The following PARP8 variants were observed in gnomAD, a reference collection of about 807,000 sequenced individuals.
PARP8 encodes the protein protein mono-ADP-ribosyltransferase PARP8.
A neutral mutation model predicts 124.1 loss-of-function variants in PARP8; 51 were observed. The ratio of observed to expected loss-of-function variants is 0.41; its 90% CI spans 0.33 to 0.52. PARP8 has a LOEUF of 0.52. Among genes scored for constraint, PARP8 ranks in the 20% least tolerant of loss-of-function variants. PARP8 has a pLI of 0.21. For missense variants in PARP8, 860 were observed against 1,018.9 expected, an observed-to-expected ratio of 0.84 and a Z score of 2.12; for synonymous variants, 391 against 361.5, an observed-to-expected ratio of 1.08 and a Z score of -0.93.
chr5:50,691,841 C>T (rs1399837040), intron 2 of PARP8, among the ~76,000 whole-genome samples: 10 of 152,134 alleles, frequency 6.6e-5, no homozygotes, highest in South Asian at 2.1e-4. Flanking sequence ...ACCCATATTA[C>T]GCATGTGAAA....
In PARP8 at chr5:50,812,371, G is replaced by T. The variant is rs545630527; in HGVS notation, c.1576-3061G>T. On this transcript the variant is annotated intron_variant, in intron 14 of 25. Transcript: ENST00000281631. ...ATGATGAGCATTTTTTCATGTGTCT[G>T]TTGGCTGCATAAATGTCTTCTTTTG... 9.5e-4 allele frequency among the ~76,000 whole-genome samples: 145 copies of T among 152,198 alleles called. 1 individual carries two copies. The highest frequency in any genetic ancestry group is 3.4e-3 in the African/African-American group (140 of 41,540).
intron 16 of PARP8, 95 bp from the exon 17 acceptor site, chr5:50,822,240 C>T: frequency 2.2e-6 from 2 of 898,380 alleles, no homozygotes; most frequent in Non-Finnish European, 3.6e-6. Context: ...GTGGAAAATT[C>T]ACATATGGAA....
At chr5:50,717,452 T>G (rs1352659024) in intron 2 of PARP8, among the ~76,000 whole-genome samples, 2 of 151,994 alleles carry the variant, frequency 1.3e-5, no homozygotes, top group African/African-American at 4.8e-5. Flanking sequence ...GAGTGGGGAA[T>G]CAGCAGGTCA....
intron 9 of PARP8, among the ~76,000 whole-genome samples, chr5:50,787,872 G>A (rs1561379781): frequency 6.7e-6 from 1 of 149,526 alleles, no homozygotes; most frequent in Non-Finnish European, 1.5e-5. Flanking sequence ...TATACATTTA[G>A]TTACCGATTT....
At chr5:50,813,994 T>C (rs1206247085) in intron 14 of PARP8, among the ~76,000 whole-genome samples, 1 of 152,140 alleles carries the variant, frequency 6.6e-6, no homozygotes, top group African/African-American at 2.4e-5. Flanking sequence ...AAAAGAGTAT[T>C]GTTAAAAACA....
At chr5:50,682,739 G>C (rs1301296035) in intron 2 of PARP8, among the ~76,000 whole-genome samples, 3 of 152,088 alleles carry the variant, frequency 2.0e-5, no homozygotes, top group Admixed American at 2.0e-4. Context: ...ATCCTTATGA[G>C]TACTGAATAG....
At chr5:50,741,822 T>C (rs1264302173) in intron 2 of PARP8, 1 of 438,578 alleles carries the variant, frequency 2.3e-6, no homozygotes, top group Non-Finnish European at 4.5e-6. Context: ...TTCTTTTTTT[T>C]TTTTTTAGGT....
intron 15 of PARP8, among the ~76,000 whole-genome samples, chr5:50,820,739 T>G (rs993500407): frequency 9.2e-5 from 14 of 152,240 alleles, no homozygotes; most frequent in African/African-American, 3.4e-4. Flanking sequence ...CTGTTGAGAT[T>G]CACCACCTTT....
intron 2 of PARP8, among the ~76,000 whole-genome samples, chr5:50,680,972 A>C (rs1165507831): frequency 1.3e-5 from 2 of 152,156 alleles, no homozygotes; most frequent in Non-Finnish European, 2.9e-5. Context: ...TGTGTTAGAA[A>C]TTTTGCAAGT....
chr5:50,730,889 G>A (rs1460649774), intron 2 of PARP8, among the ~76,000 whole-genome samples: 1 of 152,124 alleles, frequency 6.6e-6, no homozygotes, highest in Non-Finnish European at 1.5e-5. Flanking sequence ...AGAAGACAAG[G>A]AAGTAATGTG....
chr5:50,775,253 C>T (rs780810517), intron 7 of PARP8, among the ~76,000 whole-genome samples: 16 of 152,332 alleles, frequency 1.1e-4, no homozygotes, highest in Non-Finnish European at 2.1e-4. Flanking sequence ...CCACTGCACT[C>T]CAGCCTGGGC....
In PARP8 at chr5:50,795,083, G is replaced by A. The variant is rs201467874; in HGVS notation, c.1094G>A (p.Arg365His). ...TAIKSHKLLNRPCPAAVKSEE... is the reference protein window; with the variant it reads ...TAIKSHKLLNHPCPAAVKSEE... ...ATTAAATCGCACAAACTTTTGAACC[G>A]TCCTTGCCCTGCAGCTGTTAAGTCA... The change falls in exon 12 of 26, where the codon CGT (arginine) becomes CAT (histidine). Residue 365 changes from arginine to histidine, a missense_variant. This residue lies in a region of PARP8 where 517 missense variants were observed against 544.2 expected (regional missense o/e 0.95). Coordinates refer to ENST00000281631, the MANE Select transcript of PARP8 (RefSeq NM_024615.4). 155 of 1,614,150 alleles carry A rather than the reference G, an allele frequency of 9.6e-5. 1 individual carries two copies. The highest frequency in any genetic ancestry group is 2.1e-4 in the African/African-American group (16 of 75,032).
chr5:50,804,689 G>C (rs571285438), intron 14 of PARP8, among the ~76,000 whole-genome samples: 1 of 152,042 alleles, frequency 6.6e-6, no homozygotes, highest in East Asian at 1.9e-4. Context: ...ATTTGTACGC[G>C]TAATGTTAAC....
chr5:50,780,483 T>C (rs568180571), intron 9 of PARP8, among the ~76,000 whole-genome samples: 1 of 152,320 alleles, frequency 6.6e-6, no homozygotes, highest in African/African-American at 2.4e-5. Context: ...CTGATACTTA[T>C]TTTTTGATAT....
chr5:50,827,156 C>A (rs138938077), intron 19 of PARP8, among the ~76,000 whole-genome samples: 375 of 152,208 alleles, frequency 2.5e-3, no homozygotes, highest in African/African-American at 8.5e-3. Context: ...TTCCACTTTT[C>A]TACAGCTGAG....
At chr5:50,819,400 A>G (rs1387292811) in intron 15 of PARP8, among the ~76,000 whole-genome samples, 2 of 146,266 alleles carry the variant, frequency 1.4e-5, no homozygotes, top group Non-Finnish European at 3.0e-5. Context: ...CCTCCCTACA[A>G]GGTCTCAGAA....
chr5:50,823,575 A>G (rs528122023), intron 17 of PARP8, among the ~76,000 whole-genome samples: 2 of 152,298 alleles, frequency 1.3e-5, no homozygotes, highest in East Asian at 1.9e-4. Context: ...ATGTATTTCC[A>G]CCTAGGAGAA....
intron 2 of PARP8, among the ~76,000 whole-genome samples, chr5:50,705,149 A>C (rs1279456773): frequency 6.6e-6 from 1 of 152,202 alleles, no homozygotes; most frequent in Non-Finnish European, 1.5e-5. Flanking sequence ...TACTGTTTAA[A>C]ACAGTTGCTC....
At position 50,731,063 on chromosome 5, in the gene PARP8, A is replaced by G. The variant is rs1387313499; in HGVS notation, c.147-19088A>G. Reference sequence around the variant, plus strand: ...AAAGGTCAGTGCGAAAAATCACAAGAGGCTGAGTGACTTAGAGGAAATGTC... The same window carrying G: ...AAAGGTCAGTGCGAAAAATCACAAGGGGCTGAGTGACTTAGAGGAAATGTC... On this transcript the variant is annotated intron_variant, in intron 2 of 25. Coordinates refer to ENST00000281631, the MANE Select transcript of PARP8 (RefSeq NM_024615.4). Among the ~76,000 whole-genome samples, 3 of 152,194 alleles carry G rather than the reference A, an allele frequency of 2.0e-5. No individual in the cohort carries two copies. In the East Asian group the frequency reaches 5.8e-4, roughly 29 times the overall value.
Sources: gnomAD v4.1 joint callset for allele counts (sites outside exome capture counted in the v4.1 genomes callset) on GRCh38, gnomAD v4.1.1 for gene constraint, gnomAD v4.1.1 regional missense constraint, MANE v1.5 for transcripts, NCBI Gene and HGNC (gene_info 2026-07-23, HGNC 2026-07-21) for gene names.